The following NF1 variants were observed in gnomAD, a reference collection of about 807,000 sequenced individuals.
The protein encoded by NF1 is neurofibromin.
A neutral mutation model predicts 325.7 loss-of-function variants in NF1; 122 were observed. The ratio of observed to expected loss-of-function variants is 0.37; its 90% confidence interval spans 0.32 to 0.44. NF1 has a LOEUF of 0.44. Ranked by LOEUF, NF1 falls within the 20% of genes least tolerant of loss-of-function variation. The pLI is 1.00. For missense variants in NF1, 2,140 were observed against 3,415.4 expected, an observed-to-expected ratio of 0.63 and a Z score of 9.31; for synonymous variants, 1,091 against 1,186.0, an observed-to-expected ratio of 0.92 and a Z score of 1.65.
intron 1 of NF1, among the ~76,000 whole-genome samples, chr17:31,097,560 G>T (rs1911858912): frequency 6.6e-6 from 1 of 151,882 alleles, no homozygotes; most frequent in Non-Finnish European, 1.5e-5. Flanking sequence ...AGACCTTAAG[G>T]CTTCGTTGTT....
intron 31 of NF1, chr17:31,253,619 C>G (rs1381469554): frequency 6.6e-6 from 1 of 152,152 alleles, no homozygotes; most frequent in Non-Finnish European, 1.5e-5. Context: ...TAAAAGAAAA[C>G]TGAGTTCATA....
Position 31,357,026 on chromosome 17 carries a change from A to G in NF1, c.7805A>G (p.Asn2602Ser), listed in dbSNP as rs2151582358. ...HLRKVSVSES[N>S]VLLDEEVLTD... ...CGTAAAGTTTCAGTGTCTGAATCAA[A>G]TGTTCTCTTGGATGAAGAAGTACTT... The change falls in exon 53 of 58, where the codon AAT becomes AGT. Residue 2602 changes from asparagine to serine, a missense_variant. Around this residue, in one of 10 missense-constraint regions of NF1, gnomAD observed 522 missense variants for 749.0 expected, o/e 0.70. Transcript: ENST00000358273. The G allele has an allele frequency of 6.2e-7, 1 of 1,613,984 alleles. No individual in the cohort carries two copies. The highest frequency in any genetic ancestry group is 8.5e-7 in the Non-Finnish European group (1 of 1,179,942).
rs147817071 is a variant in NF1 at position 31,176,438 on chromosome 17, T to A, written c.587-4984T>A. 3.6e-3 allele frequency among the ~76,000 whole-genome samples: 541 copies of A among 152,318 alleles called. 6 individuals are homozygous for A. The highest frequency in any genetic ancestry group is 0.012 in the African/African-American group (514 of 41,558). On this transcript the variant is annotated intron_variant, in intron 5 of 57. Coordinates refer to ENST00000358273, the MANE Select transcript of NF1 (RefSeq NM_001042492.3). ...TGTCAGATGGGTAGATTGCAAAAAT[T>A]TTCTCCCATTCTGTAGGTTGCCTGT...
chr17:31,316,865 TC>T (rs1042195474), intron 36 of NF1, among the ~76,000 whole-genome samples: 1 of 152,194 alleles, frequency 6.6e-6, no homozygotes, highest in Non-Finnish European at 1.5e-5. Flanking sequence ...TTTATTTTTT[TC>T]CTCTCATTTT....
intron 29 of NF1, among the ~76,000 whole-genome samples, chr17:31,239,585 T>C (rs924118909): frequency 6.6e-6 from 1 of 151,676 alleles, no homozygotes; most frequent in Non-Finnish European, 1.5e-5. Flanking sequence ...AAATTAAAAA[T>C]AGGAAAAAAA....
chr17:31,335,379 A>G (rs1001898822), intron 40 of NF1, among the ~76,000 whole-genome samples: 32 of 144,918 alleles, frequency 2.2e-4, no homozygotes, highest in East Asian at 2.0e-3. Flanking sequence ...TGACATTTCT[A>G]GTGCTTTATT....
At chr17:31,367,705 T>TA (rs751061803) in intron 57 of NF1, among the ~76,000 whole-genome samples, 3 of 152,112 alleles carry the variant, frequency 2.0e-5, no homozygotes, top group Non-Finnish European at 4.4e-5. Context: ...CACCTGTGGT[T>TA]AAAAAAAGGA....
intron 36 of NF1, chr17:31,318,856 C>T: frequency 6.2e-7 from 1 of 1,614,028 alleles, no homozygotes; most frequent in Non-Finnish European, 8.5e-7. Context: ...ATTTTGGTTT[C>T]TGCCTGTCTT....
At chr17:31,203,502 G>C (rs888849509) in intron 11 of NF1, among the ~76,000 whole-genome samples, 10 of 152,068 alleles carry the variant, frequency 6.6e-5, no homozygotes, top group Admixed American at 6.6e-4. Flanking sequence ...CTTGGTTTGA[G>C]GCTAATCGCT....
chr17:31,248,220 CAA>C (rs34071215), intron 29 of NF1, among the ~76,000 whole-genome samples: 2 of 126,176 alleles, frequency 1.6e-5, no homozygotes, highest in Non-Finnish European at 1.7e-5. Context: ...CACCCCCCAC[CAA>C]AAAAAAAAAA....
intron 36 of NF1, among the ~76,000 whole-genome samples, chr17:31,282,789 G>A (rs1468377659): frequency 6.6e-6 from 1 of 152,076 alleles, no homozygotes; most frequent in Non-Finnish European, 1.5e-5. Flanking sequence ...ATCTAGGAGT[G>A]GAATTGAGTC....
Position 31,345,842 on chromosome 17 carries a change from A to G in NF1, c.7189+2707A>G, listed in dbSNP as rs1469652733. The G allele has an allele frequency of 1.9e-6, 3 of 1,613,434 alleles. No homozygotes were observed. In the African/African-American group the frequency reaches 4.0e-5, roughly 22 times the overall value. Reference sequence around the variant, plus strand: ...TGGACAAAATCTGTGAAGTGGATCTAGTGATCAGTTTGAATATTCCATTTG... The same window carrying G: ...TGGACAAAATCTGTGAAGTGGATCTGGTGATCAGTTTGAATATTCCATTTG... On this transcript the variant is annotated intron_variant, in intron 48 of 57. Transcript: ENST00000358273.
chr17:31,282,003 C>T (rs988930201), intron 36 of NF1, among the ~76,000 whole-genome samples: 5 of 150,558 alleles, frequency 3.3e-5, no homozygotes, highest in African/African-American at 1.2e-4. Context: ...GATGCTGCAG[C>T]AAGCTGAGAT....
intron 29 of NF1, among the ~76,000 whole-genome samples, chr17:31,238,471 A>C (rs966646349): frequency 2.0e-5 from 3 of 152,174 alleles, no homozygotes; most frequent in African/African-American, 7.2e-5. Context: ...CTGGTGGCTC[A>C]CATCTGTAAT....
chr17:31,107,493 G>C (rs973129613), intron 1 of NF1, among the ~76,000 whole-genome samples: 3 of 151,824 alleles, frequency 2.0e-5, no homozygotes, highest in African/African-American at 7.3e-5. Flanking sequence ...TTGAATTCCT[G>C]GACTCAAGCG....
chr17:31,361,081 C>CAAAAAAAAAAAAAAAAAAAAAAA (rs60249232), intron 57 of NF1: 1 of 46,518 alleles, frequency 2.1e-5, no homozygotes, highest in Non-Finnish European at 3.5e-5. Context: ...CATACTATAT[C>CAAAAAAAAAAAAAAAAAAAAAAA]AAAAAAAAAA....
chr17:31,293,907 G>C (rs1171641467), intron 36 of NF1, among the ~76,000 whole-genome samples: 2 of 152,182 alleles, frequency 1.3e-5, no homozygotes, highest in Non-Finnish European at 2.9e-5. Flanking sequence ...GAATTTCTCA[G>C]TGATTTTCTT....
intron 5 of NF1, among the ~76,000 whole-genome samples, chr17:31,175,855 T>C (rs970632641): frequency 6.6e-6 from 1 of 152,226 alleles, no homozygotes; most frequent in Non-Finnish European, 1.5e-5. Flanking sequence ...CGGGAACTTA[T>C]CCTTTTCTAT....
At chr17:31,103,410 T>C (rs1325887412) in intron 1 of NF1, among the ~76,000 whole-genome samples, 1 of 151,846 alleles carries the variant, frequency 6.6e-6, no homozygotes, top group Non-Finnish European at 1.5e-5. Flanking sequence ...ACCCAGCTAA[T>C]TTTTTTGTAT....
Sources: allele counts gnomAD v4.1 joint callset (sites outside exome capture counted in the v4.1 genomes callset), GRCh38; gene constraint gnomAD v4.1.1; regional missense constraint gnomAD v4.1.1; transcripts MANE v1.5; gene names NCBI Gene and HGNC (gene_info 2026-07-23, HGNC 2026-07-21).